The following CCDC50 variants were observed in gnomAD, a reference collection of about 807,000 sequenced individuals.
The protein encoded by CCDC50 is coiled-coil domain-containing protein 50.
In CCDC50, 54 loss-of-function variants were observed where a neutral mutation model predicts 70.2. The observed-to-expected ratio is 0.77, with a 90% confidence interval of 0.62 to 0.96. CCDC50 has a LOEUF of 0.96. CCDC50 is among the 50% of genes least tolerant of loss of function. The pLI is 0.00. For synonymous variants in CCDC50, 216 were observed against 198.8 expected (o/e 1.09, Z -0.73); for missense variants, 558 against 578.7 (o/e 0.96, Z 0.37).
Position 191,360,954 on chromosome 3 carries a change from TGA to T in CCDC50, c.240-112_240-111del, listed in dbSNP as rs138227942. The stretch of plus-strand genomic sequence containing the variant: ...TTGCATCTTTATCTTGAAGATAAAG[TGA>T]GAAAAATAATGTACTTCTCATATAG... On this transcript the variant is annotated intron_variant, in intron 3 of 11. Transcript: ENST00000392455. 4.0e-3 allele frequency: 2,996 copies of T among 740,630 alleles called. 64 individuals are homozygous for T. The African/African-American group carries it at 0.045, about 11-fold the overall frequency. The allele number at this position is 740,630 out of a possible 1,614,324, so 45.9% of individuals were successfully genotyped here.
At position 191,347,525 on chromosome 3, in the gene CCDC50, G is replaced by A. The variant is rs1338236363; in HGVS notation, c.50-9563G>A. Among the ~76,000 whole-genome samples the A allele has an allele frequency of 2.1e-5, 3 of 141,982 alleles. 1 individual carries two copies. Among genetic ancestry groups the A allele is most frequent in the Non-Finnish European group, 4.8e-5 (3 of 63,048 alleles). The allele number at this position is 141,982 out of a possible 152,430, so 93.1% of individuals were successfully genotyped here. A position where few individuals can be genotyped will look rare whatever the true frequency, so the allele number is the denominator to read the frequency against. ...ATACACACATTTTTCTTGATTCTGAGCTCTAATCTTAACAGTGCCACTCAT... is the reference window on the plus strand; with the variant it reads ...ATACACACATTTTTCTTGATTCTGAACTCTAATCTTAACAGTGCCACTCAT... On this transcript the variant is annotated intron_variant, in intron 1 of 11. Coordinates refer to ENST00000392455, the MANE Select transcript of CCDC50 (RefSeq NM_178335.3).
chr3:191,335,923 C>T (rs1213407111), intron 1 of CCDC50, among the ~76,000 whole-genome samples: 1 of 149,460 alleles, frequency 6.7e-6, no homozygotes, highest in African/African-American at 2.5e-5. Context: ...AACTTCTCAA[C>T]CCCCGTTTCA....
chr3:191,374,089 T>A (rs1713005514), intron 5 of CCDC50, among the ~76,000 whole-genome samples: 2 of 152,176 alleles, frequency 1.3e-5, no homozygotes, highest in South Asian at 4.1e-4. Context: ...TCGTTGTTAT[T>A]TCCAAAACGT....
In CCDC50 at chr3:191,394,191, A is replaced by T. The variant is rs1713788886; in HGVS notation, c.*2431A>T. On this transcript the variant is annotated 3_prime_UTR_variant, in exon 12 of 12. Transcript: ENST00000392455. ...TTATTGAAAATTTGTTACTTTTTTTAAAGGTTTTTAAAAGATTACAATTTT... is the reference window on the plus strand; with the variant it reads ...TTATTGAAAATTTGTTACTTTTTTTTAAGGTTTTTAAAAGATTACAATTTT... The T allele has an allele frequency of 6.6e-6, 1 of 152,124 alleles. No individual in the cohort carries two copies. The highest frequency in any genetic ancestry group is 2.1e-4 in the South Asian group (1 of 4,836). The allele number at this position is 152,124 out of a possible 1,614,324, so 9.4% of individuals were successfully genotyped here.
chr3:191,360,364 G>A lies in CCDC50; in HGVS notation c.240-705G>A, dbSNP rs151111397. ...TTGTGACCTTTAACACTTCATTTGG[G>A]TTTGCCTTCTCTACGGTGCTTCTAC... On this transcript the variant is annotated intron_variant, in intron 3 of 11. Coordinates refer to ENST00000392455, the MANE Select transcript of CCDC50 (RefSeq NM_178335.3). Among the ~76,000 whole-genome samples, 643 of 152,292 alleles carry A rather than the reference G, an allele frequency of 4.2e-3. 1 individual carries two copies. Among genetic ancestry groups the A allele is most frequent in the Middle Eastern group, 6.8e-3 (2 of 294 alleles).
At chr3:191,367,451 T>C (rs1252270948) in intron 4 of CCDC50, among the ~76,000 whole-genome samples, 1 of 152,098 alleles carries the variant, frequency 6.6e-6, no homozygotes, top group African/African-American at 2.4e-5. Context: ...AATGAATCTC[T>C]TTTCTCCGAA....
chr3:191,346,553 T>A (rs573751640), intron 1 of CCDC50, among the ~76,000 whole-genome samples: 1 of 152,314 alleles, frequency 6.6e-6, no homozygotes, highest in South Asian at 2.1e-4. Flanking sequence ...CCGTATGATA[T>A]GCTACATGGA....
At chr3:191,341,115 C>G (rs1209106723) in intron 1 of CCDC50, among the ~76,000 whole-genome samples, 4 of 152,092 alleles carry the variant, frequency 2.6e-5, no homozygotes, top group Admixed American at 2.6e-4. Flanking sequence ...TTCCTAAGAG[C>G]AAGTACTCAC....
At chr3:191,362,171 AG>A (rs1479402468) in intron 4 of CCDC50, among the ~76,000 whole-genome samples, 1 of 152,130 alleles carries the variant, frequency 6.6e-6, no homozygotes, top group African/African-American at 2.4e-5. Flanking sequence ...TCCATCACCC[AG>A]GGTGGAGTGC....
intron 4 of CCDC50, 39 bp downstream of exon 4, chr3:191,361,198 G>T (rs775495711): frequency 2.0e-6 from 3 of 1,484,030 alleles, no homozygotes; most frequent in East Asian, 4.5e-5. Flanking sequence ...CATGGAGAAA[G>T]GGGTGCTCAG....
chr3:191,375,719 G>C, intron 6 of CCDC50, 130 bp downstream of exon 6: 1 of 965,158 alleles, frequency 1.0e-6, no homozygotes, highest in Non-Finnish European at 1.6e-6. Context: ...ATAAATCCTA[G>C]AGCAACATAT....
chr3:191,334,125 A>G (rs547017941), intron 1 of CCDC50, among the ~76,000 whole-genome samples: 1 of 152,116 alleles, frequency 6.6e-6, no homozygotes, highest in Non-Finnish European at 1.5e-5. Context: ...GGAATCTTAG[A>G]TAATTTGCAT....
At chr3:191,353,737 T>G (rs1712179091) in intron 1 of CCDC50, among the ~76,000 whole-genome samples, 1 of 141,968 alleles carries the variant, frequency 7.0e-6, no homozygotes, top group East Asian at 1.9e-4. Flanking sequence ...GCAAGTAATA[T>G]TTCAGTATAA....
intron 4 of CCDC50, among the ~76,000 whole-genome samples, chr3:191,365,191 C>T (rs1464565101): frequency 6.6e-6 from 1 of 151,018 alleles, no homozygotes; most frequent in Non-Finnish European, 1.5e-5. Context: ...CATGGCCAAA[C>T]ATGTCATGAA....
At chr3:191,340,823 A>G (rs1369278) in intron 1 of CCDC50, among the ~76,000 whole-genome samples, 12,972 of 152,084 alleles carry the variant, frequency 0.085, 683 homozygotes, top group East Asian at 0.25. Context: ...GCCAGGAAAC[A>G]TTGCTTCAGA....
intron 1 of CCDC50, among the ~76,000 whole-genome samples, chr3:191,332,145 G>A (rs963560978): frequency 3.9e-5 from 6 of 152,140 alleles, no homozygotes; most frequent in Non-Finnish European, 7.3e-5. Context: ...ACCTTTTGTC[G>A]TGAACATTTC....
intron 10 of CCDC50, among the ~76,000 whole-genome samples, chr3:191,385,990 G>A (rs1354945504): frequency 2.6e-5 from 4 of 152,078 alleles, no homozygotes; most frequent in African/African-American, 9.7e-5. Flanking sequence ...CTGTGTGTCA[G>A]GTTTTGTACC....
chr3:191,391,681 G>T lies in CCDC50; in HGVS notation c.1430-60G>T, dbSNP rs935788019. ...TATTTTACTTGGGCAGGGAGAAAAA[G>T]CTGTTTGAGTTTCAAAGGTTTTTCC... On this transcript the variant is annotated intron_variant, in intron 11 of 11. Coordinates refer to ENST00000392455, the MANE Select transcript of CCDC50 (RefSeq NM_178335.3). The T allele has an allele frequency of 6.8e-6, 10 of 1,467,028 alleles. No homozygotes were observed. In the African/African-American group the frequency reaches 1.4e-4, roughly 20 times the overall value. The allele number at this position is 1,467,028 out of a possible 1,614,324, so 90.9% of individuals were successfully genotyped here.
chr3:191,329,940 G>A (rs1717898460), intron 1 of CCDC50, among the ~76,000 whole-genome samples: 1 of 85,704 alleles, frequency 1.2e-5, no homozygotes, highest in Non-Finnish European at 2.0e-5. Context: ...CAAGGGGGTG[G>A]TTGGGGGGGG....
Sources: gnomAD v4.1 joint callset for allele counts (sites outside exome capture counted in the v4.1 genomes callset) on GRCh38, gnomAD v4.1.1 for gene constraint, MANE v1.5 for transcripts, NCBI Gene and HGNC (gene_info 2026-07-23, HGNC 2026-07-21) for gene names.